The following HS3ST5 variants were observed in gnomAD, a reference collection of about 807,000 sequenced individuals.
The protein encoded by HS3ST5 is heparan sulfate-glucosamine 3-sulfotransferase 5.
A neutral mutation model predicts 25.4 loss-of-function variants in HS3ST5; 10 were observed. The observed-to-expected ratio is 0.39, with a 90% CI of 0.24 to 0.67. The LOEUF is 0.67. Ranked by LOEUF, HS3ST5 falls within the 30% of genes least tolerant of loss-of-function variation. The pLI is 0.44. For missense variants in HS3ST5, 324 were observed against 420.7 expected (o/e 0.77, Z 2.01); for synonymous variants, 170 against 162.4 (o/e 1.05, Z -0.36).
chr6:114,066,202 G>A (rs918520009), intron 3 of HS3ST5, among the ~76,000 whole-genome samples: 1 of 152,218 alleles, frequency 6.6e-6, no homozygotes, highest in Admixed American at 6.5e-5. Context: ...TGACTCAGAA[G>A]CACTAGAAAG....
intron 1 of HS3ST5, among the ~76,000 whole-genome samples, chr6:114,318,993 GTTAT>G (rs1185712030): frequency 1.3e-5 from 2 of 151,698 alleles, no homozygotes; most frequent in Non-Finnish European, 2.9e-5. Flanking sequence ...GTTTTGCTTT[GTTAT>G]TTGTTTGCAA....
chr6:114,141,855 AGTTTGT>A (rs769688293), intron 3 of HS3ST5, among the ~76,000 whole-genome samples: 2 of 106,518 alleles, frequency 1.9e-5, no homozygotes, highest in African/African-American at 7.3e-5. Flanking sequence ...CTAAGATGAT[AGTTTGT>A]GTGTGTGTGT....
At chr6:114,094,474 A>C (rs900884466) in intron 3 of HS3ST5, among the ~76,000 whole-genome samples, 3 of 152,188 alleles carry the variant, frequency 2.0e-5, no homozygotes, top group African/African-American at 7.2e-5. Context: ...TCCTGTTAGA[A>C]ATGTAGGAAC....
chr6:114,084,835 T>TC (rs1554207035), intron 3 of HS3ST5: 24 of 367,614 alleles, frequency 6.5e-5, no homozygotes, highest in Non-Finnish European at 1.1e-4. Flanking sequence ...TTTCTTTTCT[T>TC]TTTTTTTTTT....
chr6:114,290,706 C>G (rs1404196714), intron 1 of HS3ST5, among the ~76,000 whole-genome samples: 1 of 152,012 alleles, frequency 6.6e-6, no homozygotes, highest in Non-Finnish European at 1.5e-5. Context: ...TCATTGGGAA[C>G]ACATTTTTTA....
At chr6:114,186,673 G>T (rs1780231200) in intron 2 of HS3ST5, among the ~76,000 whole-genome samples, 1 of 152,180 alleles carries the variant, frequency 6.6e-6, no homozygotes, top group Admixed American at 6.5e-5. Flanking sequence ...GATAATTAAC[G>T]AAGGTAGCTA....
chr6:114,135,865 T>A (rs1415827310), intron 3 of HS3ST5, among the ~76,000 whole-genome samples: 1 of 152,140 alleles, frequency 6.6e-6, no homozygotes, highest in Non-Finnish European at 1.5e-5. Flanking sequence ...GGACTCCTAC[T>A]CCCCTGGGCT....
chr6:114,323,186 GC>G (rs1422651845), intron 1 of HS3ST5, among the ~76,000 whole-genome samples: 1 of 152,134 alleles, frequency 6.6e-6, no homozygotes, highest in Non-Finnish European at 1.5e-5. Context: ...AAGGAGCCAT[GC>G]CCCAGAATGA....
chr6:114,324,623 ATTGACTTGTTTTTATGTTC>A (rs2114892856), intron 1 of HS3ST5, among the ~76,000 whole-genome samples: 1 of 152,316 alleles, frequency 6.6e-6, no homozygotes, highest in Admixed American at 6.5e-5. Context: ...CTTGTCAGTT[ATTGACTTGTTTTTATGTTC>A]TTTGCCTCTT....
chr6:114,150,967 C>T (rs752385444), intron 3 of HS3ST5, among the ~76,000 whole-genome samples: 26 of 152,276 alleles, frequency 1.7e-4, no homozygotes, highest in African/African-American at 9.6e-5. Flanking sequence ...TATCCTTTCA[C>T]CTTGCATTTT....
At chr6:114,230,422 T>A (rs1771527068) in intron 1 of HS3ST5, 1 of 152,184 alleles carries the variant, frequency 6.6e-6, no homozygotes, top group Non-Finnish European at 1.5e-5. Context: ...TTTACTGAAC[T>A]ATTTTTCACA....
chr6:114,160,241 A>G (rs1778881558), intron 3 of HS3ST5, among the ~76,000 whole-genome samples: 2 of 152,126 alleles, frequency 1.3e-5, no homozygotes, highest in African/African-American at 4.8e-5. Context: ...CTTTGTTGAC[A>G]CCATGATTAT....
At chr6:114,155,074 G>A (rs769848338) in intron 3 of HS3ST5, among the ~76,000 whole-genome samples, 1 of 152,170 alleles carries the variant, frequency 6.6e-6, no homozygotes. Flanking sequence ...CACCCTTAGA[G>A]TAGGAGGTGC....
intron 1 of HS3ST5, among the ~76,000 whole-genome samples, chr6:114,321,566 A>G (rs1775972679): frequency 6.6e-6 from 1 of 152,138 alleles, no homozygotes; most frequent in African/African-American, 2.4e-5. Flanking sequence ...ATAGTTGTTA[A>G]CAGTGCAAGT....
At chr6:114,067,746 C>G (rs954523552) in intron 3 of HS3ST5, among the ~76,000 whole-genome samples, 2 of 152,158 alleles carry the variant, frequency 1.3e-5, no homozygotes, top group African/African-American at 4.8e-5. Flanking sequence ...AGGTACCTTC[C>G]TATCTACTGT....
intron 3 of HS3ST5, among the ~76,000 whole-genome samples, chr6:114,067,366 T>C (rs1179011930): frequency 2.0e-5 from 3 of 152,140 alleles, no homozygotes; most frequent in Admixed American, 6.5e-5. Flanking sequence ...CTGTTTAAGT[T>C]TAGCAGACAG....
intron 3 of HS3ST5, among the ~76,000 whole-genome samples, chr6:114,101,977 C>G (rs1446633028): frequency 6.6e-6 from 1 of 152,150 alleles, no homozygotes; most frequent in African/African-American, 2.4e-5. Flanking sequence ...CATGTTCTCA[C>G]TTATAAGTAG....
intron 3 of HS3ST5, among the ~76,000 whole-genome samples, chr6:114,168,002 G>A (rs1450891146): frequency 3.3e-5 from 5 of 151,982 alleles, no homozygotes; most frequent in Non-Finnish European, 4.4e-5. Flanking sequence ...TCTGTGTTTA[G>A]GAAATAAGAA....
intron 2 of HS3ST5, among the ~76,000 whole-genome samples, chr6:114,219,538 T>G (rs1023747925): frequency 5.3e-5 from 8 of 152,106 alleles, no homozygotes; most frequent in Admixed American, 5.2e-4. Flanking sequence ...ACTAAGGGCT[T>G]CAGACAAAAT....
Sources: gnomAD v4.1 joint callset for allele counts (sites outside exome capture counted in the v4.1 genomes callset) on GRCh38, gnomAD v4.1.1 for gene constraint, MANE v1.5 for transcripts, NCBI Gene and HGNC (gene_info 2026-07-23, HGNC 2026-07-21) for gene names.